The following PNLIPRP1 variants were observed in gnomAD, a reference collection of about 807,000 sequenced individuals.
PNLIPRP1 encodes inactive pancreatic lipase-related protein 1.
Under a neutral mutation model 54.6 loss-of-function variants are expected in PNLIPRP1, and 57 were observed. The ratio of observed to expected loss-of-function variants is 1.04; its 90% CI spans 0.84 to 1.30. The LOEUF is 1.30. Among genes scored for constraint, PNLIPRP1 ranks in the 50% most tolerant of loss-of-function variants. PNLIPRP1 has a pLI of 0.00. For missense variants in PNLIPRP1, 567 were observed against 568.5 expected (o/e 1.00, Z 0.03); for synonymous variants, 232 against 208.8 (o/e 1.11, Z -0.96).
intron 12 of PNLIPRP1, among the ~76,000 whole-genome samples, chr10:116,607,208 T>G (rs12252579): frequency 9.3e-5 from 14 of 150,876 alleles, no homozygotes; most frequent in South Asian, 2.1e-4. Flanking sequence ...GCCCTCCCCC[T>G]CTTTATTTCT....
rs1847628332 is a variant in PNLIPRP1 at position 116,591,138 on chromosome 10, C to A, written c.9C>A (p.Ile3=). Residue 3 remains isoleucine, a synonymous_variant, in exon 2 of 13, where the codon ATC becomes ATA. Transcript: ENST00000358834. ML[I]FWTITLFLLG... ...GTTTAAATTTATTGTAGATGCTGATCTTCTGGACAATCACACTTTTCCTGC... is the reference window on the plus strand; with the variant it reads ...GTTTAAATTTATTGTAGATGCTGATATTCTGGACAATCACACTTTTCCTGC... The A allele has an allele frequency of 6.2e-7, 1 of 1,613,354 alleles. No individual in the cohort carries two copies. Among genetic ancestry groups the A allele is most frequent in the Admixed American group, 1.7e-5 (1 of 60,002 alleles).
intron 11 of PNLIPRP1, 91 bp from the exon 12 acceptor site, chr10:116,605,295 T>C (rs1388643037): frequency 3.0e-6 from 2 of 669,592 alleles, no homozygotes; most frequent in East Asian, 2.9e-5. Context: ...AATAATCCTG[T>C]TAATCTAGAA....
chr10:116,594,856 A>G lies in PNLIPRP1; in HGVS notation c.457A>G (p.Ile153Val), dbSNP rs1332678352. The change falls in exon 5 of 13, where the codon ATC (isoleucine) becomes GTC (valine). Residue 153 changes from isoleucine to valine, a missense_variant. Transcript: ENST00000358834. Reference protein sequence around the residue: ...VGAQVAQMLDILLTEYSYPPS... With the variant: ...VGAQVAQMLDVLLTEYSYPPS... ...CGCCCAGGTGGCCCAGATGCTCGACATCCTCTTGGTGAGTCAGCTGGCTGG... is the reference window on the plus strand; with the variant it reads ...CGCCCAGGTGGCCCAGATGCTCGACGTCCTCTTGGTGAGTCAGCTGGCTGG... 2 of 1,613,786 alleles carry G rather than the reference A, an allele frequency of 1.2e-6. No individual in the cohort carries two copies. The highest frequency in any genetic ancestry group is 1.7e-6 in the Non-Finnish European group (2 of 1,180,008).
rs189525566 is a variant in PNLIPRP1, at chr10:116,591,097, G to A, written c.1-33G>A. The A allele has an allele frequency of 2.5e-3, 3,932 of 1,593,502 alleles. 11 individuals carry two copies. Among genetic ancestry groups the A allele is most frequent in the Non-Finnish European group, 2.3e-3 (2,623 of 1,162,812 alleles). On this transcript the variant is annotated intron_variant, in intron 1 of 12. Coordinates refer to ENST00000358834, the MANE Select transcript of PNLIPRP1 (RefSeq NM_006229.4). ...GGTGCTCACTGCTCTGGCAATGCCC[G>A]GTGAGACTGAATTATGTTTAAATTT...
intron 5 of PNLIPRP1, chr10:116,595,446 C>G (rs540765221): frequency 3.9e-5 from 6 of 153,804 alleles, no homozygotes; most frequent in Admixed American, 3.8e-4. Context: ...TGACTATTTT[C>G]TATACCAGGT....
intron 4 of PNLIPRP1, chr10:116,592,914 T>G (rs1028771374): frequency 5.6e-6 from 2 of 354,944 alleles, no homozygotes; most frequent in Non-Finnish European, 1.1e-5. Flanking sequence ...ACTTAATTGA[T>G]CCCAGCACTT....
chr10:116,603,197 G>T (rs1353291095), intron 10 of PNLIPRP1, among the ~76,000 whole-genome samples: 1 of 152,142 alleles, frequency 6.6e-6, no homozygotes, highest in Admixed American at 6.5e-5. Context: ...GACTGCCCAG[G>T]GCCCTGGGGA....
chr10:116,602,933 G>A (rs943374660), intron 10 of PNLIPRP1, among the ~76,000 whole-genome samples: 1 of 41,668 alleles, frequency 2.4e-5, no homozygotes, highest in Admixed American at 3.3e-4. Flanking sequence ...GCATGTTTGT[G>A]TAGATGTATG....
intron 12 of PNLIPRP1, among the ~76,000 whole-genome samples, chr10:116,607,695 C>T (rs1382378954): frequency 2.6e-5 from 4 of 152,148 alleles, no homozygotes; most frequent in African/African-American, 9.7e-5. Context: ...GGAAATGGGG[C>T]AAAGCTTCCG....
rs781902167 is a variant in PNLIPRP1 at position 116,605,501 on chromosome 10, C to T, written c.1288C>T (p.Pro430Ser). The T allele has an allele frequency of 4.1e-5, 66 of 1,610,066 alleles. No homozygotes were observed. The highest frequency in any genetic ancestry group is 5.5e-5 in the South Asian group (5 of 90,358). ...WNNNVINPTLPKVGATKITVQ... is the reference protein window; with the variant it reads ...WNNNVINPTLSKVGATKITVQ... ...TAACAATGTGATAAATCCAACCCTC[C>T]CCAAAGTGGGTGCCACCAAGATCAC... is the stretch of plus-strand genomic sequence containing the variant. Residue 430 changes from proline to serine, a missense_variant, in exon 12 of 13, where the codon CCC (proline) becomes TCC (serine). Transcript: ENST00000358834.
intron 6 of PNLIPRP1, 32 bp downstream of exon 6, chr10:116,596,354 T>C (rs918388168): frequency 6.6e-6 from 9 of 1,367,010 alleles, no homozygotes; most frequent in Non-Finnish European, 9.4e-6. Context: ...CCCAGTTTTG[T>C]CCCCAGAAAC....
Position 116,609,152 on chromosome 10 carries a change from A to G in PNLIPRP1, c.*36A>G. The G allele has an allele frequency of 6.7e-7, 1 of 1,502,592 alleles. No individual in the cohort carries two copies. Among genetic ancestry groups the G allele is most frequent in the Non-Finnish European group, 9.1e-7 (1 of 1,096,824 alleles). 93.1% of individuals were successfully genotyped at this position (1,502,592 alleles called of 1,614,324 possible). A position where few individuals can be genotyped will look rare whatever the true frequency, so the allele number is the denominator to read the frequency against. ...CGACGAGGCTGCTGCGTTCACACTAATAAAATCCACTGGTGCATCTGTATG... is the reference window on the plus strand; with the variant it reads ...CGACGAGGCTGCTGCGTTCACACTAGTAAAATCCACTGGTGCATCTGTATG... On this transcript the variant is annotated 3_prime_UTR_variant, in exon 13 of 13. Coordinates refer to ENST00000358834, the MANE Select transcript of PNLIPRP1 (RefSeq NM_006229.4).
chr10:116,594,660 T>C, intron 4 of PNLIPRP1, 70 bp from the exon 5 acceptor site: 1 of 1,575,868 alleles, frequency 6.3e-7, no homozygotes, highest in Non-Finnish European at 8.7e-7. Flanking sequence ...TGGCCATTTC[T>C]GAGCCCTGGC....
chr10:116,594,339 C>T (rs782595193), intron 4 of PNLIPRP1: 2 of 518,428 alleles, frequency 3.9e-6, no homozygotes, highest in Non-Finnish European at 3.8e-6. Context: ...CGCCAAGAGC[C>T]TGAAAGGACC....
At chr10:116,599,804 T>C (rs1847801525) in intron 8 of PNLIPRP1, among the ~76,000 whole-genome samples, 1 of 152,144 alleles carries the variant, frequency 6.6e-6, no homozygotes, top group Non-Finnish European at 1.5e-5. Context: ...GATGATATGG[T>C]ACCCACCTCC....
intron 3 of PNLIPRP1, 172 bp from the exon 4 acceptor site, chr10:116,592,244 C>T: frequency 2.8e-6 from 2 of 721,140 alleles, no homozygotes; most frequent in Non-Finnish European, 4.5e-6. Flanking sequence ...GCAGTGATTA[C>T]TCACCTGGAG....
chr10:116,600,228 C>T (rs1362389703), intron 9 of PNLIPRP1, 63 bp downstream of exon 9: 16 of 1,071,756 alleles, frequency 1.5e-5, no homozygotes, highest in South Asian at 3.8e-5. Context: ...TGTCCTGCTG[C>T]GTTTGGGATT....
At chr10:116,600,982 C>A in intron 9 of PNLIPRP1, 90 bp from the exon 10 acceptor site, 1 of 1,198,008 alleles carries the variant, frequency 8.3e-7, no homozygotes, top group Non-Finnish European at 1.2e-6. Flanking sequence ...AACGCTTAGG[C>A]TGTAGGAAAA....
At chr10:116,598,277 A>G (rs899513539) in intron 8 of PNLIPRP1, 111 bp downstream of exon 8, 3 of 1,042,202 alleles carry the variant, frequency 2.9e-6, no homozygotes, top group Admixed American at 5.9e-5. Flanking sequence ...AAAAATATAC[A>G]ATTCCCTCTT....
Sources: allele counts gnomAD v4.1 joint callset (sites outside exome capture counted in the v4.1 genomes callset), GRCh38; gene constraint gnomAD v4.1.1; transcripts MANE v1.5; gene names NCBI Gene and HGNC (gene_info 2026-07-23, HGNC 2026-07-21).